The following GLRA1 variants were observed in gnomAD, a reference collection of about 807,000 sequenced individuals.
GLRA1 encodes glycine receptor subunit alpha-1.
In GLRA1, 37 loss-of-function variants were observed where a neutral mutation model predicts 48.3. The observed-to-expected ratio is 0.77, with a 90% CI of 0.59 to 1.01. The LOEUF (loss-of-function observed/expected upper bound fraction) is 1.01. Among genes scored for constraint, GLRA1 ranks in the 50% least tolerant of loss-of-function variants. The pLI is 0.00. For synonymous variants in GLRA1, 196 were observed against 210.7 expected (o/e 0.93, Z 0.60); for missense variants, 427 against 571.0 (o/e 0.75, Z 2.57).
At chr5:151,854,902 A>C in intron 6 of GLRA1, 138 bp downstream of exon 6, 1 of 991,536 alleles carries the variant, frequency 1.0e-6, no homozygotes. Context: ...TCAGAGCCAC[A>C]TTTTTGTTTC....
At chr5:151,912,751 C>T (rs573907918) in intron 1 of GLRA1, among the ~76,000 whole-genome samples, 1 of 152,236 alleles carries the variant, frequency 6.6e-6, no homozygotes, top group Non-Finnish European at 1.5e-5. Context: ...ATACATGAAC[C>T]CCTGGGATGA....
chr5:151,902,720 C>A (rs552261118), intron 1 of GLRA1, among the ~76,000 whole-genome samples: 1 of 152,002 alleles, frequency 6.6e-6, no homozygotes, highest in African/African-American at 2.4e-5. Context: ...TAATAACAGC[C>A]AGCCCTTATT....
intron 8 of GLRA1, among the ~76,000 whole-genome samples, chr5:151,824,946 CCTT>C (rs1443543571): frequency 1.3e-5 from 2 of 152,008 alleles, no homozygotes; most frequent in Admixed American, 6.6e-5. Flanking sequence ...GCTTTAGTGT[CCTT>C]TTTTGTTGTT....
rs751445527 is a variant in GLRA1, at chr5:151,822,872, C to T, written c.1151G>A (p.Gly384Asp). The change falls in exon 9 of 9, where the codon GGC becomes GAC. Residue 384 changes from glycine to aspartate, a missense_variant. Around this residue, in one of 4 missense-constraint regions of GLRA1, gnomAD observed 121 missense variants for 96.5 expected, o/e 1.25. Coordinates refer to ENST00000274576, the MANE Select transcript of GLRA1 (RefSeq NM_000171.4). Reference sequence around the variant, plus strand: ...GTTGGTGGTGTTACTGTTGTTGGCGCCCTTGACTGAGATGCCATCCTTGGC... The same window carrying T: ...GTTGGTGGTGTTACTGTTGTTGGCGTCCTTGACTGAGATGCCATCCTTGGC... ...LQAKDGISVK[G>D]ANNSNTTNPP... 2 of 1,614,060 alleles carry T rather than the reference C, an allele frequency of 1.2e-6. No individual in the cohort carries two copies. The highest frequency in any genetic ancestry group is 1.1e-5 in the South Asian group (1 of 91,072).
At chr5:151,911,599 A>ATT (rs1561581932) in intron 1 of GLRA1, among the ~76,000 whole-genome samples, 2 of 128,020 alleles carry the variant, frequency 1.6e-5, no homozygotes, top group African/African-American at 6.0e-5. Context: ...CCCAAGCTAG[A>ATT]GTTTTTTTTT....
At chr5:151,887,879 G>T (rs1171182194) in intron 2 of GLRA1, among the ~76,000 whole-genome samples, 1 of 152,218 alleles carries the variant, frequency 6.6e-6, no homozygotes, top group Non-Finnish European at 1.5e-5. Context: ...TGGAGAATAA[G>T]GCACGAAAGA....
At chr5:151,878,674 T>C (rs1285986238) in intron 3 of GLRA1, among the ~76,000 whole-genome samples, 1 of 152,056 alleles carries the variant, frequency 6.6e-6, no homozygotes, top group Non-Finnish European at 1.5e-5. Context: ...GACTAAAAGG[T>C]GCCAAAGTAC....
intron 6 of GLRA1, among the ~76,000 whole-genome samples, chr5:151,853,656 G>A (rs1413584152): frequency 6.6e-6 from 1 of 151,956 alleles, no homozygotes; most frequent in Non-Finnish European, 1.5e-5. Context: ...CATTCTGTGG[G>A]TTCTTTATCT....
At chr5:151,878,841 G>A (rs1156374852) in intron 3 of GLRA1, among the ~76,000 whole-genome samples, 7 of 152,218 alleles carry the variant, frequency 4.6e-5, no homozygotes, top group African/African-American at 1.7e-4. Flanking sequence ...CCAAGCAAAA[G>A]TCTGCTGCAG....
chr5:151,892,006 A>G (rs958455250), intron 2 of GLRA1, among the ~76,000 whole-genome samples: 11 of 152,142 alleles, frequency 7.2e-5, no homozygotes, highest in African/African-American at 2.7e-4. Context: ...CTGAGCCCAA[A>G]CTTGAACCCA....
intron 1 of GLRA1, among the ~76,000 whole-genome samples, chr5:151,905,943 C>A (rs1306863008): frequency 6.6e-6 from 1 of 152,178 alleles, no homozygotes; most frequent in Non-Finnish European, 1.5e-5. Context: ...CATATGTCTT[C>A]TGCCTGTGTC....
intron 7 of GLRA1, among the ~76,000 whole-genome samples, chr5:151,837,649 T>C (rs888044199): frequency 6.6e-6 from 1 of 152,256 alleles, no homozygotes; most frequent in African/African-American, 2.4e-5. Flanking sequence ...GATGAGTTCA[T>C]GTCCTTTGTG....
At chr5:151,846,856 AACTC>A (rs1752684283) in intron 7 of GLRA1, among the ~76,000 whole-genome samples, 1 of 152,350 alleles carries the variant, frequency 6.6e-6, no homozygotes, top group East Asian at 1.9e-4. Context: ...AATTATTTCT[AACTC>A]AATAATAACC....
intron 3 of GLRA1, among the ~76,000 whole-genome samples, chr5:151,885,060 C>T (rs1003137844): frequency 6.6e-6 from 1 of 152,186 alleles, no homozygotes; most frequent in African/African-American, 2.4e-5. Flanking sequence ...TAGGGAGTTT[C>T]ACCAGTTGTC....
At position 151,892,411 on chromosome 5, in the gene GLRA1, A is replaced by T; in HGVS notation, c.84T>A (p.Ala28=). The change falls in exon 2 of 9, where the codon GCT becomes GCA. Residue 28 remains alanine, a synonymous_variant. Coordinates refer to ENST00000274576, the MANE Select transcript of GLRA1 (RefSeq NM_000171.4). ...ACATAGGCTTGGGTGCGGAGCGAGC[A>T]GCTTCAGCCTCCTTAGAAGCAGCAA... ...FSLAASKEAE[A]ARSAPKPMSP... The T allele has an allele frequency of 6.2e-7, 1 of 1,614,104 alleles. No individual in the cohort carries two copies. Among genetic ancestry groups the T allele is most frequent in the Middle Eastern group, 1.7e-4 (1 of 6,060 alleles).
intron 2 of GLRA1, among the ~76,000 whole-genome samples, chr5:151,891,056 G>A (rs1754055016): frequency 1.3e-5 from 2 of 152,228 alleles, no homozygotes; most frequent in South Asian, 4.1e-4. Flanking sequence ...GCTGTTACCA[G>A]CTGTCACATG....
chr5:151,853,866 G>A (rs1435059734), intron 6 of GLRA1, among the ~76,000 whole-genome samples: 1 of 151,996 alleles, frequency 6.6e-6, no homozygotes, highest in African/African-American at 2.4e-5. Flanking sequence ...CTTTAAGAGG[G>A]TAGATCTTAA....
At chr5:151,916,188 CT>C (rs1240618985) in intron 1 of GLRA1, among the ~76,000 whole-genome samples, 1 of 152,160 alleles carries the variant, frequency 6.6e-6, no homozygotes, top group Non-Finnish European at 1.5e-5. Context: ...GGCAAATCAC[CT>C]TTTTTTCTTT....
intron 1 of GLRA1, among the ~76,000 whole-genome samples, chr5:151,917,011 C>T (rs1333505346): frequency 6.6e-6 from 1 of 152,118 alleles, no homozygotes; most frequent in African/African-American, 2.4e-5. Flanking sequence ...TGTATGGACT[C>T]TAGAGACGAT....
Sources: gnomAD v4.1 joint callset for allele counts (sites outside exome capture counted in the v4.1 genomes callset) on GRCh38, gnomAD v4.1.1 for gene constraint, gnomAD v4.1.1 regional missense constraint, MANE v1.5 for transcripts, NCBI Gene and HGNC (gene_info 2026-07-23, HGNC 2026-07-21) for gene names.